The following ZBED5 variants were observed in gnomAD, a reference collection of about 807,000 sequenced individuals.
The protein encoded by ZBED5 is zinc finger BED-type containing 5, also known as zinc finger BED domain-containing protein 5.
A neutral mutation model predicts 49.2 loss-of-function variants in ZBED5; 29 were observed. That is an observed-to-expected ratio of 0.59 (90% CI 0.44 to 0.80). The LOEUF is 0.80. Ranked by LOEUF, ZBED5 falls within the 30% of genes least tolerant of loss-of-function variation. ZBED5 has a pLI of 0.00. For synonymous variants in ZBED5, 281 were observed against 292.5 expected (o/e 0.96, Z 0.40); for missense variants, 775 against 812.9 (o/e 0.95, Z 0.57).
In ZBED5 at chr11:10,854,101, TC is replaced by T; in HGVS notation, c.844del (p.Asp282MetfsTer78). On this transcript the variant is annotated frameshift_variant, in exon 3 of 3. Transcript: ENST00000413761. LOFTEE classifies it high-confidence loss of function. The surrounding 1 kb of genome is among the most constrained non-coding windows in gnomAD (Gnocchi z 5.0). ...AAGCAGCACAGCAAGTCCTGAAACATCAGCTGATTCATCTAGTTGCAGTGAA... is the reference window on the plus strand; with the variant it reads ...AAGCAGCACAGCAAGTCCTGAAACATAGCTGATTCATCTAGTTGCAGTGAA... ...GFSLQLDESA[D>X]VSGLAVLLVF... 1 of 1,550,572 alleles carries T rather than the reference TC, an allele frequency of 6.4e-7. No homozygotes were observed. Among genetic ancestry groups the T allele is most frequent in the Non-Finnish European group, 8.7e-7 (1 of 1,146,218 alleles).
Position 10,853,020 on chromosome 11 carries a change from G to A in ZBED5, c.1926C>T (p.His642=). ...VRVLLPFATM[H]LCETGFSYYA... ...AATATGAAAACCCCGTTTCACACAG[G>A]TGCATTGTAGCAAAAGGAAGAAGTA... The change falls in exon 3 of 3, where the codon CAC becomes CAT. Residue 642 remains histidine (H), a synonymous_variant. Coordinates refer to ENST00000413761, the MANE Select transcript of ZBED5 (RefSeq NM_001143667.2). The surrounding 1 kb of genome is among the most constrained non-coding windows in gnomAD (Gnocchi z 5.4). 1 of 1,551,622 alleles carries A rather than the reference G, an allele frequency of 6.4e-7. No individual in the cohort carries two copies. The highest frequency in any genetic ancestry group is 8.7e-7 in the Non-Finnish European group (1 of 1,146,940).
Position 10,854,554 on chromosome 11 carries a change from T to C in ZBED5, c.392A>G (p.Gln131Arg). ...YFGNRDAPHA[Q>R]CVLCKKILSN... is the part of the protein sequence containing the mutation. ...TAAAATTTTCTTACATAATACACAC[T>C]GAGCATGAGGTGCATCTCTATTTCC... The change falls in exon 3 of 3, where the codon CAG (glutamine) becomes CGG (arginine). Residue 131 changes from glutamine to arginine, a missense_variant. Coordinates refer to ENST00000413761, the MANE Select transcript of ZBED5 (RefSeq NM_001143667.2). The surrounding 1 kb of genome is among the most constrained non-coding windows in gnomAD (Gnocchi z 5.0). The C allele has an allele frequency of 1.9e-6, 3 of 1,551,518 alleles. No homozygotes were observed. The highest frequency in any genetic ancestry group is 2.6e-6 in the Non-Finnish European group (3 of 1,146,930).
intron 1 of ZBED5, 121 bp from the exon 2 acceptor site, chr11:10,856,378 C>A (rs1318734074): frequency 1.3e-5 from 2 of 152,170 alleles, no homozygotes; most frequent in African/African-American, 4.8e-5. Flanking sequence ...CAATGCAGAT[C>A]TTGGACTGAA....
At chr11:10,856,622 T>C (rs1204634956) in intron 1 of ZBED5, among the ~76,000 whole-genome samples, 1 of 152,212 alleles carries the variant, frequency 6.6e-6, no homozygotes, top group Non-Finnish European at 1.5e-5. Flanking sequence ...CATAGAACTA[T>C]TACATGAAGC....
chr11:10,856,587 G>A (rs1447307200), intron 1 of ZBED5, among the ~76,000 whole-genome samples: 1 of 152,088 alleles, frequency 6.6e-6, no homozygotes, highest in Non-Finnish European at 1.5e-5. Flanking sequence ...CTAAAACTAG[G>A]TCTTGAATCT....
At position 10,854,429 on chromosome 11, in the gene ZBED5, C is replaced by G; in HGVS notation, c.517G>C (p.Asp173His). Residue 173 changes from aspartate (D) to histidine (H), a missense_variant, in exon 3 of 3, where the codon GAT becomes CAT. Physicochemically the swap from Asp to His is moderately conservative, Grantham distance 81 (BLOSUM62 -1). Coordinates refer to ENST00000413761, the MANE Select transcript of ZBED5 (RefSeq NM_001143667.2). This position sits in a 1 kb window ranked among gnomAD's most constrained non-coding sequence, Gnocchi z 5.0. ...GGGGGTTTATTATTTTCAGGTGAATCGAGATGTTGCTTGAAAAAGCTTATG... is the reference window on the plus strand; with the variant it reads ...GGGGGTTTATTATTTTCAGGTGAATGGAGATGTTGCTTGAAAAAGCTTATG... ...KDISFFKQHL[D>H]SPENNKPPTP... 3 of 1,551,236 alleles carry G rather than the reference C, an allele frequency of 1.9e-6. No individual in the cohort carries two copies. Among genetic ancestry groups the G allele is most frequent in the Non-Finnish European group, 2.6e-6 (3 of 1,146,860 alleles).
At position 10,857,139 on chromosome 11, in the gene ZBED5, T is replaced by C. The variant is rs1848192984; in HGVS notation, c.-256+723A>G. On this transcript the variant is annotated intron_variant, in intron 1 of 2. Coordinates refer to ENST00000413761, the MANE Select transcript of ZBED5 (RefSeq NM_001143667.2). The surrounding 1 kb of genome is among the most constrained non-coding windows in gnomAD (Gnocchi z 6.3). ...AACTCTGTGGAGCTGCTGGTTCACG[T>C]AAAAGATCAGGATCCCTCTCGTTGC... 1 of 152,218 alleles carries C rather than the reference T, an allele frequency of 6.6e-6. No homozygotes were observed. The highest frequency in any genetic ancestry group is 6.5e-5 in the Admixed American group (1 of 15,278). The allele number at this position is 152,218 out of a possible 1,614,324, so 9.4% of individuals were successfully genotyped here. A position where few individuals can be genotyped will look rare whatever the true frequency, so the allele number is the denominator to read the frequency against.
At position 10,853,185 on chromosome 11, in the gene ZBED5, T is replaced by A. The variant is rs962224912; in HGVS notation, c.1761A>T (p.Leu587Phe). 6.4e-7 allele frequency: 1 copy of A among 1,551,692 alleles called. No homozygotes were observed. Among genetic ancestry groups the A allele is most frequent in the Non-Finnish European group, 8.7e-7 (1 of 1,146,956 alleles). Residue 587 changes from leucine (L) to phenylalanine (F), a missense_variant, in exon 3 of 3, where the codon TTA becomes TTT. Coordinates refer to ENST00000413761, the MANE Select transcript of ZBED5 (RefSeq NM_001143667.2). This position sits in a 1 kb window ranked among gnomAD's most constrained non-coding sequence, Gnocchi z 5.4. ...PFTVTVKPAS[L>F]VARDYESLID... ...TCAGGCTCTCATAGTCCCGTGCTAC[T>A]AATGAAGCTGGTTTAACAGTAACTG...
Position 10,852,941 on chromosome 11 carries a change from G to A in ZBED5, c.2005C>T (p.Arg669Ter). The change falls in exon 3 of 3, where the codon CGA (arginine) becomes TGA (stop). Residue 669 changes from arginine to a stop codon, truncating the protein, a stop_gained. Transcript: ENST00000413761. LOFTEE classifies it high-confidence loss of function. Reference protein sequence around the residue: ...RKRLDAAPHMRIRLSNITPNI... With the variant: ...RKRLDAAPHM ...GGTGTAATATTGCTAAGTCGGATTC[G>A]CATATGAGGTGCAGCATCAAGTCTT... The A allele has an allele frequency of 1.9e-6, 3 of 1,551,348 alleles. No individual in the cohort carries two copies. Among genetic ancestry groups the A allele is most frequent in the South Asian group, 1.2e-5 (1 of 84,042 alleles).
In ZBED5 at chr11:10,857,431, C is replaced by G. The variant is rs1020356877; in HGVS notation, c.-256+431G>C. The G allele has an allele frequency of 5.3e-5, 8 of 152,316 alleles. No individual in the cohort carries two copies. The highest frequency in any genetic ancestry group is 1.9e-4 in the African/African-American group (8 of 41,442). 9.4% of individuals were successfully genotyped at this position (152,316 alleles called of 1,614,324 possible). A position where few individuals can be genotyped will look rare whatever the true frequency, so the allele number is the denominator to read the frequency against. ...ACCCTCAGGGTCAGGAGGACAGGAT[C>G]TGAGTGCAGGCCAGCCAAAAAGGTG... On this transcript the variant is annotated intron_variant, in intron 1 of 2. Transcript: ENST00000413761. This position sits in a 1 kb window ranked among gnomAD's most constrained non-coding sequence, Gnocchi z 6.3.
chr11:10,855,343 G>A lies in ZBED5; in HGVS notation c.-141-257C>T, dbSNP rs1198190707. ...AGGGACCCTGAAGAATATGTCCCAT[G>A]GCAGGGGTTGGCAGGCTTTTTTTGG... On this transcript the variant is annotated intron_variant, in intron 2 of 2. Coordinates refer to ENST00000413761, the MANE Select transcript of ZBED5 (RefSeq NM_001143667.2). The surrounding 1 kb of genome is among the most constrained non-coding windows in gnomAD (Gnocchi z 4.1). Among the ~76,000 whole-genome samples, 2 of 152,156 alleles carry A rather than the reference G, an allele frequency of 1.3e-5. No homozygotes were observed. The highest frequency in any genetic ancestry group is 2.9e-5 in the Non-Finnish European group (2 of 68,022).
In ZBED5 at chr11:10,856,137, A is replaced by C. The variant is rs11042983; in HGVS notation, c.-142+7T>G. 6.6e-6 allele frequency: 1 copy of C among 151,922 alleles called. No individual in the cohort carries two copies. Among genetic ancestry groups the C allele is most frequent in the Non-Finnish European group, 1.5e-5 (1 of 67,972 alleles). The allele number at this position is 151,922 out of a possible 1,614,324, so 9.4% of individuals were successfully genotyped here. A position where few individuals can be genotyped will look rare whatever the true frequency, so the allele number is the denominator to read the frequency against. ...GTTCTCCTATTAAGGGGTAGAGGAT[A>C]AGATACCTGAAATAAGGTGTTCTCC... On this transcript the variant is annotated splice_region_variant and intron_variant, in intron 2 of 2. Coordinates refer to ENST00000413761, the MANE Select transcript of ZBED5 (RefSeq NM_001143667.2).
Position 10,854,489 on chromosome 11 carries a change from A to T in ZBED5, c.457T>A (p.Leu153Met). The change falls in exon 3 of 3, where the codon TTG becomes ATG. Residue 153 changes from leucine to methionine, a missense_variant. By Grantham distance (15) the Leu-to-Met change is conservative. Coordinates refer to ENST00000413761, the MANE Select transcript of ZBED5 (RefSeq NM_001143667.2). This position sits in a 1 kb window ranked among gnomAD's most constrained non-coding sequence, Gnocchi z 5.0. ...SLAPSKLRRH[L>M]ETKHAAYKDK... ...TTATATGCAGCATGTTTAGTTTCCA[A>T]ATGTCTTCGAAGCTTACTAGGGGCT... 4 of 1,551,550 alleles carry T rather than the reference A, an allele frequency of 2.6e-6. No homozygotes were observed. Among genetic ancestry groups the T allele is most frequent in the Non-Finnish European group, 3.5e-6 (4 of 1,146,916 alleles).
Position 10,854,323 on chromosome 11 carries a change from C to G in ZBED5, c.623G>C (p.Gly208Ala). ...CAATTCTCCAATAGTATGAGCCTCTCCACTCAGCGCTATATGGTAACTTAC... is the reference window on the plus strand; with the variant it reads ...CAATTCTCCAATAGTATGAGCCTCTGCACTCAGCGCTATATGGTAACTTAC... ...YNVSYHIALS[G>A]EAHTIGELLI... The change falls in exon 3 of 3, where the codon GGA becomes GCA. Residue 208 changes from glycine (G) to alanine (A), a missense_variant. Physicochemically the swap from Gly to Ala is moderately conservative, Grantham distance 60. Transcript: ENST00000413761. This position sits in a 1 kb window ranked among gnomAD's most constrained non-coding sequence, Gnocchi z 5.0. The G allele has an allele frequency of 1.3e-6, 2 of 1,550,672 alleles. No homozygotes were observed. The highest frequency in any genetic ancestry group is 1.7e-6 in the Non-Finnish European group (2 of 1,146,920).
rs1432064429 is a variant in ZBED5 at position 10,857,145 on chromosome 11, A to T, written c.-256+717T>A. 2 of 152,224 alleles carry T rather than the reference A, an allele frequency of 1.3e-5. No homozygotes were observed. Among genetic ancestry groups the T allele is most frequent in the Non-Finnish European group, 2.9e-5 (2 of 68,042 alleles). 9.4% of individuals were successfully genotyped at this position (152,224 alleles called of 1,614,324 possible). On this transcript the variant is annotated intron_variant, in intron 1 of 2. Coordinates refer to ENST00000413761, the MANE Select transcript of ZBED5 (RefSeq NM_001143667.2). This position sits in a 1 kb window ranked among gnomAD's most constrained non-coding sequence, Gnocchi z 6.3. ...GTGGAGCTGCTGGTTCACGTAAAAG[A>T]TCAGGATCCCTCTCGTTGCCAGAGG...
Position 10,854,367 on chromosome 11 carries a change from A to C in ZBED5, c.579T>G (p.Ala193=). The C allele has an allele frequency of 6.4e-7, 1 of 1,550,926 alleles. No homozygotes were observed. ...PKIVNTDNES[A]TEASYNVSYH... is the part of the protein sequence containing the mutation. Reference sequence around the variant, plus strand: ...AACTTACATTGTATGATGCTTCTGTAGCACTTTCATTATCTGTATTCACAA... The same window carrying C: ...AACTTACATTGTATGATGCTTCTGTCGCACTTTCATTATCTGTATTCACAA... The change falls in exon 3 of 3, where the codon GCT becomes GCG. Residue 193 remains alanine (A), a synonymous_variant. Transcript: ENST00000413761. This position sits in a 1 kb window ranked among gnomAD's most constrained non-coding sequence, Gnocchi z 5.0.
Position 10,853,338 on chromosome 11 carries a change from T to A in ZBED5, c.1608A>T (p.Glu536Asp), listed in dbSNP as rs1445985632. The change falls in exon 3 of 3, where the codon GAA becomes GAT. Residue 536 changes from glutamate (E) to aspartate (D), a missense_variant. By Grantham distance (45) the Glu-to-Asp change is conservative. Coordinates refer to ENST00000413761, the MANE Select transcript of ZBED5 (RefSeq NM_001143667.2). This position sits in a 1 kb window ranked among gnomAD's most constrained non-coding sequence, Gnocchi z 5.4. The stretch of plus-strand genomic sequence containing the variant: ...TATCTTTATCAACTGTAGAATTAAT[T>A]TCAGTCAAAAAATCACTGAGTGTAG... ...CFPTLSDFLT[E>D]INSTVDKDIC... 5.2e-6 allele frequency: 8 copies of A among 1,551,506 alleles called. No individual in the cohort carries two copies. In the Admixed American group the frequency reaches 1.6e-4, roughly 30 times the overall value.
In ZBED5 at chr11:10,854,321, C is replaced by T. The variant is rs1234092102; in HGVS notation, c.625G>A (p.Glu209Lys). Residue 209 changes from glutamate (E) to lysine (K), a missense_variant, in exon 3 of 3, where the codon GAG becomes AAG. Coordinates refer to ENST00000413761, the MANE Select transcript of ZBED5 (RefSeq NM_001143667.2). The surrounding 1 kb of genome is among the most constrained non-coding windows in gnomAD (Gnocchi z 5.0). The stretch of plus-strand genomic sequence containing the variant: ...AGCAATTCTCCAATAGTATGAGCCT[C>T]TCCACTCAGCGCTATATGGTAACTT... ...NVSYHIALSG[E>K]AHTIGELLIK... 6.4e-7 allele frequency: 1 copy of T among 1,550,740 alleles called. No homozygotes were observed. The highest frequency in any genetic ancestry group is 8.7e-7 in the Non-Finnish European group (1 of 1,146,930).
Position 10,855,094 on chromosome 11 carries a change from G to A in ZBED5, c.-141-8C>T. 2 of 910,484 alleles carry A rather than the reference G, an allele frequency of 2.2e-6. No individual in the cohort carries two copies. The highest frequency in any genetic ancestry group is 3.3e-5 in the Admixed American group (1 of 29,894). 56.4% of individuals were successfully genotyped at this position (910,484 alleles called of 1,614,324 possible). ...AGGTATGGTACACCTTTTCTTAAAG[G>A]TAGATTATCACATAAAAATAAAAGC... On this transcript the variant is annotated splice_region_variant and splice_polypyrimidine_tract_variant and intron_variant, in intron 2 of 2. Coordinates refer to ENST00000413761, the MANE Select transcript of ZBED5 (RefSeq NM_001143667.2). This position sits in a 1 kb window ranked among gnomAD's most constrained non-coding sequence, Gnocchi z 4.1.
Sources: allele counts gnomAD v4.1 joint callset (sites outside exome capture counted in the v4.1 genomes callset), GRCh38; gene constraint gnomAD v4.1.1; non-coding constraint Gnocchi (gnomAD v3.1); transcripts MANE v1.5; gene names NCBI Gene and HGNC (gene_info 2026-07-23, HGNC 2026-07-21).